The following SLC17A6 variants were observed in gnomAD, a reference collection of about 807,000 sequenced individuals.
SLC17A6 encodes the protein vesicular glutamate transporter 2.
SLC17A6 carries 35 observed loss-of-function variants against 67.1 expected under a neutral mutation model. That is an observed-to-expected ratio of 0.52 (90% CI 0.40 to 0.69). The LOEUF is 0.69. Among genes scored for constraint, SLC17A6 ranks in the 30% least tolerant of loss-of-function variants. The probability of loss-of-function intolerance (pLI) is 0.00; values close to 1 mark genes in which losing one functional copy is unlikely to be tolerated. For synonymous variants in SLC17A6, 285 were observed against 252.3 expected, an observed-to-expected ratio of 1.13 and a Z score of -1.23; for missense variants, 588 against 723.9, an observed-to-expected ratio of 0.81 and a Z score of 2.15.
intron 3 of SLC17A6, among the ~76,000 whole-genome samples, chr11:22,351,641 A>G (rs1259742813): frequency 6.8e-6 from 1 of 147,496 alleles, no homozygotes; most frequent in African/African-American, 2.5e-5. Flanking sequence ...TTCTTTAAAA[A>G]CATTGTATTT....
intron 8 of SLC17A6, among the ~76,000 whole-genome samples, chr11:22,374,163 G>A (rs535907984): frequency 3.3e-5 from 5 of 152,202 alleles, no homozygotes; most frequent in Admixed American, 2.6e-4. Context: ...AGGCTATTTA[G>A]CATGAAATTA....
intron 1 of SLC17A6, among the ~76,000 whole-genome samples, chr11:22,340,714 G>C (rs1590375908): frequency 6.6e-6 from 1 of 152,100 alleles, no homozygotes; most frequent in Non-Finnish European, 1.5e-5. Flanking sequence ...GGAAGCTTAG[G>C]TGTCGGCCAT....
Position 22,338,440 on chromosome 11 carries a change from C to A in SLC17A6, c.-94C>A. The A allele has an allele frequency of 1.1e-6, 1 of 882,442 alleles. No homozygotes were observed. The highest frequency in any genetic ancestry group is 1.8e-6 in the Non-Finnish European group (1 of 548,014). The allele number at this position is 882,442 out of a possible 1,614,324, so 54.7% of individuals were successfully genotyped here. A position where few individuals can be genotyped will look rare whatever the true frequency, so the allele number is the denominator to read the frequency against. ...TCTGCTGAGAAGGAAAAGCCCGCAA[C>A]TACTTTAAGAGATTAAGACAATATG... On this transcript the variant is annotated 5_prime_UTR_variant, in exon 1 of 12. Transcript: ENST00000263160.
Position 22,359,518 on chromosome 11 carries a change from A to G in SLC17A6, c.564A>G (p.Gly188=), listed in dbSNP as rs1856026113. 3 of 1,585,650 alleles carry G rather than the reference A, an allele frequency of 1.9e-6. No individual in the cohort carries two copies. The highest frequency in any genetic ancestry group is 2.6e-6 in the Non-Finnish European group (3 of 1,165,224). Residue 188 remains glycine (G), a synonymous_variant, in exon 4 of 12, where the codon GGA becomes GGG. Coordinates refer to ENST00000263160, the MANE Select transcript of SLC17A6 (RefSeq NM_020346.3). ...GCVIFVRILQ[G]LVEGVTYPAC... is the part of the protein sequence containing the mutation. ...TCATCTTTGTCAGAATACTGCAGGGACTTGTTGAGGTATGTAACTTCAGGG... is the reference window on the plus strand; with the variant it reads ...TCATCTTTGTCAGAATACTGCAGGGGCTTGTTGAGGTATGTAACTTCAGGG...
intron 1 of SLC17A6, among the ~76,000 whole-genome samples, chr11:22,340,597 C>T (rs1429847539): frequency 4.6e-5 from 7 of 152,184 alleles, no homozygotes; most frequent in African/African-American, 1.7e-4. Flanking sequence ...ATCTGGGAGT[C>T]GCATTTTGCG....
At position 22,362,788 on chromosome 11, in the gene SLC17A6, G is replaced by T. The variant is rs1856067413; in HGVS notation, c.711G>T (p.Val237=). 2 of 1,613,694 alleles carry T rather than the reference G, an allele frequency of 1.2e-6. No homozygotes were observed. The highest frequency in any genetic ancestry group is 1.3e-5 in the African/African-American group (1 of 74,902). Residue 237 remains valine, a synonymous_variant, in exon 6 of 12, where the codon GTG becomes GTT. Transcript: ENST00000263160. Reference sequence around the variant, plus strand: ...CAATGCCTTTAGCTGGCATTCTTGTGCAGTACACTGGCTGGTCTTCAGTGT... The same window carrying T: ...CAATGCCTTTAGCTGGCATTCTTGTTCAGTACACTGGCTGGTCTTCAGTGT... ...VIAMPLAGIL[V]QYTGWSSVFY... is the part of the protein sequence containing the mutation.
chr11:22,359,842 C>T (rs1259804935), intron 4 of SLC17A6, among the ~76,000 whole-genome samples: 1 of 151,806 alleles, frequency 6.6e-6, no homozygotes, highest in East Asian at 1.9e-4. Flanking sequence ...AGAGTTTGTC[C>T]TTTGCTGGTG....
chr11:22,347,772 T>A (rs1293103204), intron 3 of SLC17A6, among the ~76,000 whole-genome samples: 2 of 152,216 alleles, frequency 1.3e-5, no homozygotes, highest in Non-Finnish European at 2.9e-5. Context: ...AGAGTGCTAA[T>A]GATTCAGTAC....
At chr11:22,369,644 T>C (rs781470441) in intron 7 of SLC17A6, among the ~76,000 whole-genome samples, 1 of 151,926 alleles carries the variant, frequency 6.6e-6, no homozygotes, top group African/African-American at 2.4e-5. Context: ...AAATGAAATG[T>C]TTTGGATATC....
At chr11:22,339,015 C>T (rs1171455158) in intron 1 of SLC17A6, among the ~76,000 whole-genome samples, 1 of 143,860 alleles carries the variant, frequency 7.0e-6, no homozygotes, top group Non-Finnish European at 1.5e-5. Context: ...GAATATAAAA[C>T]ACAACCATCT....
At chr11:22,356,324 T>C (rs1297469634) in intron 3 of SLC17A6, among the ~76,000 whole-genome samples, 1 of 152,190 alleles carries the variant, frequency 6.6e-6, no homozygotes, top group Non-Finnish European at 1.5e-5. Flanking sequence ...GCTTCAATTT[T>C]GGCTGTGTGG....
In SLC17A6 at chr11:22,376,012, T is replaced by A; in HGVS notation, c.1205T>A (p.Val402Asp). ...GFGMEATLLL[V>D]VGYSHTRGVA... ...GGCATGGAAGCCACACTGCTCCTGG[T>A]CGTTGGCTATTCTCATACTAGAGGG... Residue 402 changes from valine to aspartate, a missense_variant, in exon 10 of 12, where the codon GTC (valine) becomes GAC (aspartate). Val to Asp is a radical substitution (Grantham distance 152). Around this residue, in one of 4 missense-constraint regions of SLC17A6, gnomAD observed 414 missense variants for 563.4 expected, o/e 0.73. Transcript: ENST00000263160. The A allele has an allele frequency of 6.2e-7, 1 of 1,610,556 alleles. No homozygotes were observed. The highest frequency in any genetic ancestry group is 8.5e-7 in the Non-Finnish European group (1 of 1,177,956).
rs138121992 is a variant in SLC17A6 at position 22,377,087 on chromosome 11, A to G, written c.1414-318A>G. 1.4e-3 allele frequency among the ~76,000 whole-genome samples: 213 copies of G among 152,340 alleles called. 1 individual carries two copies. The highest frequency in any genetic ancestry group is 4.7e-3 in the African/African-American group (196 of 41,578). ...CAGAGCTTTAAAATTCTGGTTTACTACAAGTAAAGAAACAAAGGAAATGGA... is the reference window on the plus strand; with the variant it reads ...CAGAGCTTTAAAATTCTGGTTTACTGCAAGTAAAGAAACAAAGGAAATGGA... On this transcript the variant is annotated intron_variant, in intron 11 of 11. Transcript: ENST00000263160.
rs538467906 is a variant in SLC17A6 at position 22,370,044 on chromosome 11, C to A, written c.897C>A (p.Phe299Leu). ...CTCTCTTTTTGGAATTTCAGAAATT[C>A]AAGACTCCATGGAGGAAGTTTTTTA... ...SANLLGAMEK[F>L]KTPWRKFFTS... The change falls in exon 8 of 12, where the codon TTC becomes TTA. Residue 299 changes from phenylalanine to leucine, a missense_variant. This residue lies in a region of SLC17A6 where 414 missense variants were observed against 563.4 expected (regional missense o/e 0.73). Coordinates refer to ENST00000263160, the MANE Select transcript of SLC17A6 (RefSeq NM_020346.3). 13 of 1,604,712 alleles carry A rather than the reference C, an allele frequency of 8.1e-6. No individual in the cohort carries two copies. The highest frequency in any genetic ancestry group is 1.1e-5 in the Non-Finnish European group (13 of 1,177,330).
At chr11:22,352,417 G>A (rs1855950601) in intron 3 of SLC17A6, among the ~76,000 whole-genome samples, 1 of 152,222 alleles carries the variant, frequency 6.6e-6, no homozygotes, top group East Asian at 1.9e-4. Context: ...TTAAAAGCTA[G>A]AGAAGAAATA....
chr11:22,365,839 T>C, intron 7 of SLC17A6, 150 bp downstream of exon 7: 1 of 760,350 alleles, frequency 1.3e-6, no homozygotes, highest in Non-Finnish European at 2.0e-6. Context: ...TTCTCTGACT[T>C]AGGAATAATA....
intron 7 of SLC17A6, among the ~76,000 whole-genome samples, chr11:22,366,564 G>C (rs1251019689): frequency 6.6e-6 from 1 of 151,906 alleles, no homozygotes; most frequent in African/African-American, 2.4e-5. Flanking sequence ...CCTTTTTTCT[G>C]ATGATTTGAT....
intron 1 of SLC17A6, among the ~76,000 whole-genome samples, chr11:22,340,043 G>C (rs1055576431): frequency 6.6e-6 from 1 of 152,178 alleles, no homozygotes; most frequent in Non-Finnish European, 1.5e-5. Flanking sequence ...TTCTCCAGGT[G>C]CTACGTTATA....
At position 22,360,982 on chromosome 11, in the gene SLC17A6, G is replaced by T; in HGVS notation, c.659G>T (p.Cys220Phe). The change falls in exon 5 of 12, where the codon TGT becomes TTT. Residue 220 changes from cysteine (C) to phenylalanine (F), a missense_variant and splice_region_variant. Physicochemically the swap from Cys to Phe is radical, Grantham distance 205 (BLOSUM62 -2). Around this residue, in one of 4 missense-constraint regions of SLC17A6, gnomAD observed 414 missense variants for 563.4 expected, o/e 0.73. Coordinates refer to ENST00000263160, the MANE Select transcript of SLC17A6 (RefSeq NM_020346.3). ...ERSRLATTSF[C>F]GSYAGAVIAM... ...AGTAGACTGGCAACCACCTCCTTTT[G>T]TGGTGAGTACTGTGTGCAGATGCAG... is the stretch of plus-strand genomic sequence containing the variant. 6.2e-7 allele frequency: 1 copy of T among 1,613,642 alleles called. No homozygotes were observed. Among genetic ancestry groups the T allele is most frequent in the Non-Finnish European group, 8.5e-7 (1 of 1,179,622 alleles).
Sources: allele counts gnomAD v4.1 joint callset (sites outside exome capture counted in the v4.1 genomes callset), GRCh38; gene constraint gnomAD v4.1.1; regional missense constraint gnomAD v4.1.1; transcripts MANE v1.5; gene names NCBI Gene and HGNC (gene_info 2026-07-23, HGNC 2026-07-21).